The following ICMT variants were observed in gnomAD, a reference collection of about 807,000 sequenced individuals.
ICMT encodes the protein isoprenylcysteine carboxyl methyltransferase.
A neutral mutation model predicts 32.2 loss-of-function variants in ICMT; 10 were observed. That is an observed-to-expected ratio of 0.31 (90% CI 0.19 to 0.53). The LOEUF (loss-of-function observed/expected upper bound fraction) is 0.53, where lower values mean the gene tolerates loss of function less well. Ranked by LOEUF, ICMT falls within the 20% of genes least tolerant of loss-of-function variation. The pLI is 0.96. For synonymous variants in ICMT, 183 were observed against 158.2 expected (o/e 1.16, Z -1.18); for missense variants, 265 against 356.9 (o/e 0.74, Z 2.07).
Position 6,234,943 on chromosome 1 carries a change from A to G in ICMT, c.227T>C (p.Val76Ala). ...ACTTAGCAGCGTGCCGCAGCCGAAC[A>G]CAAACCCCAGGAAACAAGCTCGGAT... ...IAIRACFLGF[V>A]FGCGTLLSFS... Residue 76 changes from valine (V) to alanine (A), a missense_variant, in exon 2 of 5, where the codon GTG becomes GCG. Transcript: ENST00000343813. The G allele has an allele frequency of 1.9e-6, 3 of 1,614,044 alleles. No homozygotes were observed. Among genetic ancestry groups the G allele is most frequent in the Non-Finnish European group, 2.5e-6 (3 of 1,179,992 alleles).
At chr1:6,229,126 G>A (rs994217062) in intron 4 of ICMT, among the ~76,000 whole-genome samples, 2 of 151,932 alleles carry the variant, frequency 1.3e-5, no homozygotes, top group Non-Finnish European at 2.9e-5. Context: ...TCACTCAACC[G>A]CAGGAGTTCG....
At chr1:6,225,838 C>A (rs1668638119) in intron 4 of ICMT, among the ~76,000 whole-genome samples, 1 of 152,094 alleles carries the variant, frequency 6.6e-6, no homozygotes, top group Non-Finnish European at 1.5e-5. Context: ...GTCTCCTGCC[C>A]TCCCCACGCT....
In ICMT at chr1:6,225,019, A is replaced by G; in HGVS notation, c.*61T>C. 7 of 1,420,200 alleles carry G rather than the reference A, an allele frequency of 4.9e-6. No homozygotes were observed. The South Asian group carries it at 5.2e-5, about 11-fold the overall frequency. 88.0% of individuals were successfully genotyped at this position (1,420,200 alleles called of 1,614,324 possible). The stretch of plus-strand genomic sequence containing the variant: ...ATCCATGTGGCAGCGGCCAACCGGA[A>G]ACAGTTTTGTCCCAGGCTGCACAGG... On this transcript the variant is annotated 3_prime_UTR_variant, in exon 5 of 5. Coordinates refer to ENST00000343813, the MANE Select transcript of ICMT (RefSeq NM_012405.4).
At chr1:6,235,668 G>A in intron 1 of ICMT, 49 bp downstream of exon 1, 2 of 1,119,898 alleles carry the variant, frequency 1.8e-6, no homozygotes, top group Non-Finnish European at 2.2e-6. Context: ...CGCGCCAAGC[G>A]GACCGCCGCC....
At chr1:6,234,602 G>T in intron 2 of ICMT, 1 of 509,302 alleles carries the variant, frequency 2.0e-6, no homozygotes, top group Non-Finnish European at 3.7e-6. Flanking sequence ...CTTCCGGGAA[G>T]GGCTGCTCAA....
intron 4 of ICMT, 142 bp downstream of exon 4, chr1:6,231,760 G>T: frequency 1.7e-6 from 1 of 572,240 alleles, no homozygotes. Flanking sequence ...ATTATTTAAA[G>T]GAGACCAACA....
rs1668621625 is a variant in ICMT at position 6,224,960 on chromosome 1, G to C, written c.*120C>G. 1 of 937,052 alleles carries C rather than the reference G, an allele frequency of 1.1e-6. No individual in the cohort carries two copies. Among genetic ancestry groups the C allele is most frequent in the Admixed American group, 2.3e-5 (1 of 44,174 alleles). 58.0% of individuals were successfully genotyped at this position (937,052 alleles called of 1,614,324 possible). On this transcript the variant is annotated 3_prime_UTR_variant, in exon 5 of 5. Coordinates refer to ENST00000343813, the MANE Select transcript of ICMT (RefSeq NM_012405.4). The stretch of plus-strand genomic sequence containing the variant: ...CCGCTTGGTCTTGAGTGACATTCCA[G>C]AAGAGTGACTAATGACATAAAACGA...
chr1:6,231,544 CA>C (rs35257483), intron 4 of ICMT, among the ~76,000 whole-genome samples: 309 of 129,534 alleles, frequency 2.4e-3, no homozygotes, highest in Admixed American at 2.6e-3. Flanking sequence ...CTGTCTCTAC[CA>C]AAAAAAAAAA....
At chr1:6,233,322 G>T in intron 3 of ICMT, 152 bp downstream of exon 3, 1 of 701,460 alleles carries the variant, frequency 1.4e-6, no homozygotes, top group Non-Finnish European at 2.4e-6. Flanking sequence ...CATGAGCGGA[G>T]CTCATCCTTT....
At chr1:6,234,171 G>A (rs559035967) in intron 2 of ICMT, among the ~76,000 whole-genome samples, 5 of 152,130 alleles carry the variant, frequency 3.3e-5, no homozygotes, top group South Asian at 2.1e-4. Context: ...CACCGCGCCC[G>A]GCAAGGGACT....
intron 3 of ICMT, among the ~76,000 whole-genome samples, chr1:6,232,619 G>A (rs1668754610): frequency 6.6e-6 from 1 of 152,220 alleles, no homozygotes; most frequent in African/African-American, 2.4e-5. Flanking sequence ...CACAATCTCA[G>A]CTCACTGCAA....
In ICMT at chr1:6,235,933, GGGC is replaced by G; in HGVS notation, c.-25_-23del. ...CCATGGCGCCGGGCGGCGGACTAGC[GGGC>G]GGCGGCGCCGGCTGTAGCCCGGAGA... is the stretch of plus-strand genomic sequence containing the variant. On this transcript the variant is annotated 5_prime_UTR_variant, in exon 1 of 5. Transcript: ENST00000343813. 1.8e-6 allele frequency: 2 copies of G among 1,093,870 alleles called. No individual in the cohort carries two copies. The highest frequency in any genetic ancestry group is 2.2e-6 in the Non-Finnish European group (2 of 898,550). 67.8% of individuals were successfully genotyped at this position (1,093,870 alleles called of 1,614,324 possible).
In ICMT at chr1:6,225,309, G is replaced by A. The variant is rs550929721; in HGVS notation, c.673-47C>T. On this transcript the variant is annotated intron_variant, in intron 4 of 4. Coordinates refer to ENST00000343813, the MANE Select transcript of ICMT (RefSeq NM_012405.4). ...CTCATCAGGGTGACCGTGGGATGAC[G>A]CCCTGTGCTTTGGTAGGCGTCTGTC... 2.9e-5 allele frequency: 46 copies of A among 1,563,740 alleles called. No homozygotes were observed. In the East Asian group the frequency reaches 6.7e-4, roughly 23 times the overall value.
intron 3 of ICMT, among the ~76,000 whole-genome samples, chr1:6,232,473 C>G (rs1668752797): frequency 6.6e-6 from 1 of 152,222 alleles, no homozygotes. Context: ...AAGGTTTCCA[C>G]CCTGAATCCC....
chr1:6,235,471 C>T (rs934827504), intron 1 of ICMT, among the ~76,000 whole-genome samples: 1 of 152,152 alleles, frequency 6.6e-6, no homozygotes, highest in Admixed American at 6.5e-5. Flanking sequence ...AAAGCACTCG[C>T]GGGCTCGCTC....
chr1:6,225,201 C>T lies in ICMT; in HGVS notation c.734G>A (p.Arg245His), dbSNP rs764272807. 8.1e-6 allele frequency: 13 copies of T among 1,613,918 alleles called. No homozygotes were observed. Among genetic ancestry groups the T allele is most frequent in the Admixed American group, 3.3e-5 (2 of 59,996 alleles). The part of the protein sequence containing the change: ...SYALTVWRFF[R>H]DRTEEEEISL... ...GATTTCTTCTTCTTCTGTTCGATCG[C>T]GGAAGAATCGCCACACTGTCAGGGC... The change falls in exon 5 of 5, where the codon CGC becomes CAC. Residue 245 changes from arginine to histidine, a missense_variant. Coordinates refer to ENST00000343813, the MANE Select transcript of ICMT (RefSeq NM_012405.4).
At chr1:6,228,164 T>C (rs921293933) in intron 4 of ICMT, among the ~76,000 whole-genome samples, 4 of 152,190 alleles carry the variant, frequency 2.6e-5, no homozygotes, top group Non-Finnish European at 5.9e-5. Context: ...TTGTTTTCTG[T>C]TTTTAAGACA....
rs1045448107 is a variant in ICMT at position 6,221,931 on chromosome 1, G to C, written c.*3149C>G. 8 of 152,158 alleles carry C rather than the reference G, an allele frequency of 5.3e-5. No individual in the cohort carries two copies. The highest frequency in any genetic ancestry group is 9.7e-5 in the African/African-American group (4 of 41,418). The allele number at this position is 152,158 out of a possible 1,614,324, so 9.4% of individuals were successfully genotyped here. ...AATCTCCACTTTAAAACCTGCAATG[G>C]AAAAATAAATCTCTTGACAGTTTTT... On this transcript the variant is annotated 3_prime_UTR_variant, in exon 5 of 5. Transcript: ENST00000343813.
chr1:6,231,867 AAAAAAG>A, intron 4 of ICMT, 29 bp downstream of exon 4: 1 of 1,354,468 alleles, frequency 7.4e-7, no homozygotes. Context: ...TTAAAAAAAA[AAAAAAG>A]AAAAGCAGTG....
Sources: allele counts gnomAD v4.1 joint callset (sites outside exome capture counted in the v4.1 genomes callset), GRCh38; gene constraint gnomAD v4.1.1; transcripts MANE v1.5; gene names NCBI Gene and HGNC (gene_info 2026-07-23, HGNC 2026-07-21).